The following TMEM63B variants were observed in gnomAD, a reference collection of about 807,000 sequenced individuals.
The protein encoded by TMEM63B is mechanosensitive cation channel TMEM63B.
TMEM63B carries 23 observed loss-of-function variants against 102.6 expected under a neutral mutation model. That is an observed-to-expected ratio of 0.22 (90% CI 0.16 to 0.32). The LOEUF (loss-of-function observed/expected upper bound fraction) is 0.32, where lower values mean the gene tolerates loss of function less well. TMEM63B is among the 10% of genes least tolerant of loss of function. The pLI is 1.00. For missense variants in TMEM63B, 628 were observed against 1,095.9 expected (o/e 0.57, Z 6.03); for synonymous variants, 444 against 437.0 (o/e 1.02, Z -0.20).
At chr6:44,128,388 C>A (rs565279684) in intron 1 of TMEM63B, among the ~76,000 whole-genome samples, 5 of 152,326 alleles carry the variant, frequency 3.3e-5, no homozygotes, top group African/African-American at 4.8e-5. Context: ...AAGATTCAGA[C>A]GCGAAACCGA....
rs1766371907 is a variant in TMEM63B at position 44,150,503 on chromosome 6, C to T, written c.1608-61C>T. 1 of 1,592,626 alleles carries T rather than the reference C, an allele frequency of 6.3e-7. No individual in the cohort carries two copies. Among genetic ancestry groups the T allele is most frequent in the Admixed American group, 1.7e-5 (1 of 59,822 alleles). On this transcript the variant is annotated intron_variant, in intron 17 of 23. Coordinates refer to ENST00000323267, the MANE Select transcript of TMEM63B (RefSeq NM_018426.3). This position sits in a 1 kb window ranked among gnomAD's most constrained non-coding sequence, Gnocchi z 4.7. ...AGTGGCTCACAGAGGAGGGACTTCC[C>T]CTCCCCTGGTGTTCTGTACCACTCC... is the stretch of plus-strand genomic sequence containing the variant.
At chr6:44,132,552 A>G (rs1762147621) in intron 1 of TMEM63B, among the ~76,000 whole-genome samples, 1 of 152,132 alleles carries the variant, frequency 6.6e-6, no homozygotes, top group Non-Finnish European at 1.5e-5. Context: ...GGGACTAGTT[A>G]GAGTCCCCCC....
chr6:44,134,888 C>A (rs1562116327), intron 2 of TMEM63B, 129 bp from the exon 3 acceptor site: 2 of 1,494,024 alleles, frequency 1.3e-6, no homozygotes, highest in Non-Finnish European at 9.2e-7. Flanking sequence ...CAAGCCTCGC[C>A]TTTGACCATT....
chr6:44,140,293 A>G lies in TMEM63B; in HGVS notation c.644A>G (p.Tyr215Cys). The part of the protein sequence containing the change: ...LWLHTSFAFL[Y>C]LLLTVYSMRR... Reference sequence around the variant, plus strand: ...CTGCACACCTCCTTCGCCTTCCTGTATCTGCTGCTCACCGTCTACAGCATG... The same window carrying G: ...CTGCACACCTCCTTCGCCTTCCTGTGTCTGCTGCTCACCGTCTACAGCATG... Residue 215 changes from tyrosine to cysteine, a missense_variant, in exon 9 of 24, where the codon TAT (tyrosine) becomes TGT (cysteine). Tyr to Cys is a radical substitution (Grantham distance 194). Around this residue, in one of 6 missense-constraint regions of TMEM63B, gnomAD observed 336 missense variants for 580.3 expected, o/e 0.58. Transcript: ENST00000323267. 1 of 1,613,980 alleles carries G rather than the reference A, an allele frequency of 6.2e-7. No individual in the cohort carries two copies.
At chr6:44,136,195 A>G (rs1228775090) in intron 4 of TMEM63B, among the ~76,000 whole-genome samples, 154 bp from the exon 5 acceptor site, 1 of 152,120 alleles carries the variant, frequency 6.6e-6, no homozygotes, top group Non-Finnish European at 1.5e-5. Flanking sequence ...TGAGGGAAGC[A>G]GGGTAGAGGG....
intron 1 of TMEM63B, among the ~76,000 whole-genome samples, chr6:44,130,409 T>C (rs78452127): frequency 0.011 from 1,716 of 152,260 alleles, 23 homozygotes; most frequent in African/African-American, 0.039. Context: ...ATTATTTTAC[T>C]ACTTTTTTTT....
intron 5 of TMEM63B, 41 bp downstream of exon 5, chr6:44,136,480 C>T (rs1397990876): frequency 7.3e-7 from 1 of 1,370,360 alleles, no homozygotes; most frequent in Non-Finnish European, 1.0e-6. Flanking sequence ...CCCCACCCCA[C>T]CCCCAGGGCA....
rs1764153131 is a variant in TMEM63B at position 44,141,034 on chromosome 6, C to T, written c.718C>T (p.Arg240Trp). The T allele has an allele frequency of 1.9e-6, 3 of 1,613,840 alleles. No homozygotes were observed. The highest frequency in any genetic ancestry group is 1.1e-5 in the South Asian group (1 of 91,074). ...MRYKEDDLVK[R>W]TLFINGISKY... ...CCACTCCCCTGTCACCCAGGTGAAG[C>T]GGACCCTCTTCATCAATGGAATCTC... Residue 240 changes from arginine to tryptophan, a missense_variant, in exon 10 of 24, where the codon CGG (arginine) becomes TGG (tryptophan). Around this residue, in one of 6 missense-constraint regions of TMEM63B, gnomAD observed 336 missense variants for 580.3 expected, o/e 0.58. Coordinates refer to ENST00000323267, the MANE Select transcript of TMEM63B (RefSeq NM_018426.3).
chr6:44,129,881 C>G (rs1402839207), intron 1 of TMEM63B, among the ~76,000 whole-genome samples: 1 of 152,172 alleles, frequency 6.6e-6, no homozygotes, highest in Non-Finnish European at 1.5e-5. Context: ...AACAACACAA[C>G]TGGATTATTG....
intron 1 of TMEM63B, among the ~76,000 whole-genome samples, chr6:44,131,546 C>T (rs1043959258): frequency 1.3e-5 from 2 of 152,046 alleles, no homozygotes; most frequent in African/African-American, 4.8e-5. Flanking sequence ...TGGTGAAACC[C>T]TGTCTCTACT....
At chr6:44,141,470 G>T (rs1764253204) in intron 10 of TMEM63B, among the ~76,000 whole-genome samples, 1 of 152,168 alleles carries the variant, frequency 6.6e-6, no homozygotes. Context: ...AAGCTCCTTG[G>T]TTTCCAGTGG....
At chr6:44,142,719 C>T (rs1764551567) in intron 10 of TMEM63B, among the ~76,000 whole-genome samples, 1 of 151,946 alleles carries the variant, frequency 6.6e-6, no homozygotes, top group Non-Finnish European at 1.5e-5. Context: ...GAGATTTGGG[C>T]TCAGTCTACC....
At chr6:44,135,286 T>C in intron 3 of TMEM63B, 42 bp from the exon 4 acceptor site, 2 of 1,599,348 alleles carry the variant, frequency 1.3e-6, no homozygotes, top group Non-Finnish European at 1.7e-6. Context: ...CCCCAGGGAC[T>C]CTCCCCCGCC....
intron 5 of TMEM63B, among the ~76,000 whole-genome samples, chr6:44,136,658 T>C (rs7756198): frequency 0.45 from 68,735 of 152,108 alleles, 16,680 homozygotes; most frequent in East Asian, 0.76. Context: ...TAGCACAGCC[T>C]TAACATTCAT....
intron 10 of TMEM63B, among the ~76,000 whole-genome samples, chr6:44,142,802 G>A (rs1292105438): frequency 6.6e-6 from 1 of 152,066 alleles, no homozygotes; most frequent in Admixed American, 6.6e-5. Flanking sequence ...CTTGAGCCCG[G>A]GAGTTTAAGA....
At chr6:44,127,412 C>G (rs534573147), upstream of TMEM63B, 2 of 152,430 alleles carry the variant, frequency 1.3e-5, no homozygotes, top group Non-Finnish European at 2.9e-5. Context: ...CCCCACGCGG[C>G]CTCTTCCTAG....
chr6:44,154,668 C>T (rs1767663902), intron 23 of TMEM63B, 24 bp from the exon 24 acceptor site: 1 of 1,507,124 alleles, frequency 6.6e-7, no homozygotes, highest in Non-Finnish European at 8.9e-7. Context: ...GTTCACCTTG[C>T]CCCCATTTCC....
chr6:44,138,739 C>CCCCCCCCCT, intron 6 of TMEM63B: 1 of 400,180 alleles, frequency 2.5e-6, no homozygotes, highest in South Asian at 2.7e-5. Flanking sequence ...CCTGCCGGCC[C>CCCCCCCCCT]CCCCGCTTCT....
At position 44,148,835 on chromosome 6, in the gene TMEM63B, C is replaced by T. The variant is rs572590843; in HGVS notation, c.1303C>T (p.Leu435=). The T allele has an allele frequency of 1.2e-6, 2 of 1,614,180 alleles. No individual in the cohort carries two copies. The highest frequency in any genetic ancestry group is 2.2e-5 in the South Asian group (2 of 91,084). ...IRGFIWWLRC[L]VINVVLFILL... ...AGGCTTCATCTGGTGGCTGCGCTGC[C>T]TGGTCATCAATGTCGTCCTCTTCAT... The change falls in exon 15 of 24, where the codon CTG becomes TTG. Residue 435 remains leucine (L), a synonymous_variant. Transcript: ENST00000323267. The surrounding 1 kb of genome is among the most constrained non-coding windows in gnomAD (Gnocchi z 5.1).
Sources: allele counts gnomAD v4.1 joint callset (sites outside exome capture counted in the v4.1 genomes callset), GRCh38; gene constraint gnomAD v4.1.1; regional missense constraint gnomAD v4.1.1; non-coding constraint Gnocchi (gnomAD v3.1); transcripts MANE v1.5; gene names NCBI Gene and HGNC (gene_info 2026-07-23, HGNC 2026-07-21).